The following RANBP2 variants were observed in gnomAD, a reference collection of about 807,000 sequenced individuals.
The protein encoded by RANBP2 is E3 SUMO-protein ligase RanBP2.
RANBP2 carries 57 observed loss-of-function variants against 303.6 expected under a neutral mutation model. That is an observed-to-expected ratio of 0.19 (90% CI 0.15 to 0.23). The LOEUF (loss-of-function observed/expected upper bound fraction) is 0.23. Among genes scored for constraint, RANBP2 ranks in the 10% least tolerant of loss-of-function variants. The pLI is 1.00. For missense variants in RANBP2, 3,138 were observed against 3,780.8 expected (o/e 0.83, Z 4.46); for synonymous variants, 1,167 against 1,301.5 (o/e 0.90, Z 2.23).
the RANBP2 span, chr2:108,906,391 T>C: frequency 5.0e-6 from 8 of 1,613,870 alleles, no homozygotes; most frequent in African/African-American, 9.3e-5. Flanking sequence ...GTCGAGAATT[T>C]TCATCTCCAG....
At chr2:108,957,905 C>G in the RANBP2 span, among the ~76,000 whole-genome samples, 2 of 152,156 alleles carry the variant, frequency 1.3e-5, no homozygotes, top group Admixed American at 6.5e-5. Context: ...GGAAAGCTGA[C>G]AAAAGCAACC....
chr2:109,252,463 T>G, the RANBP2 span, among the ~76,000 whole-genome samples: 1 of 152,194 alleles, frequency 6.6e-6, no homozygotes, highest in East Asian at 1.9e-4. Flanking sequence ...CCTTCAGTTT[T>G]AGCTTTATCA....
chr2:109,467,048 G>A, the RANBP2 span, among the ~76,000 whole-genome samples: 1 of 152,246 alleles, frequency 6.6e-6, no homozygotes, highest in Non-Finnish European at 1.5e-5. Flanking sequence ...TGCTCTGCTG[G>A]TGGAAATGTA....
the RANBP2 span, chr2:109,504,175 G>A: frequency 2.0e-5 from 3 of 152,210 alleles, no homozygotes; most frequent in East Asian, 1.9e-4. Flanking sequence ...TGCCTCAAAG[G>A]GTACACATGT....
chr2:109,533,111 G>A, the RANBP2 span, among the ~76,000 whole-genome samples: 1 of 152,124 alleles, frequency 6.6e-6, no homozygotes, highest in Non-Finnish European at 1.5e-5. Context: ...CTGAGAGGGA[G>A]GACAGGATAG....
chr2:109,585,645 T>C, the RANBP2 span: 9 of 980,254 alleles, frequency 9.2e-6, no homozygotes, highest in South Asian at 9.3e-5. Flanking sequence ...ATGAGCATTG[T>C]TCTGCCCATG....
the RANBP2 span, among the ~76,000 whole-genome samples, chr2:109,190,978 G>A: frequency 1.3e-4 from 19 of 151,478 alleles, no homozygotes; most frequent in Admixed American, 7.3e-4. Context: ...TAATAGTTGC[G>A]TCAGGCGAGG....
chr2:109,690,304 G>T, the RANBP2 span, among the ~76,000 whole-genome samples: 1 of 152,204 alleles, frequency 6.6e-6, no homozygotes, highest in African/African-American at 2.4e-5. Context: ...ACAACTCGAA[G>T]CAAAGGCGGG....
At chr2:109,044,040 A>G in the RANBP2 span, among the ~76,000 whole-genome samples, 1 of 152,198 alleles carries the variant, frequency 6.6e-6, no homozygotes, top group Non-Finnish European at 1.5e-5. Flanking sequence ...CTGATTAATA[A>G]AAGGCATAAT....
the RANBP2 span, among the ~76,000 whole-genome samples, chr2:109,425,285 G>A: frequency 6.6e-6 from 1 of 152,230 alleles, no homozygotes; most frequent in Non-Finnish European, 1.5e-5. Flanking sequence ...AAAAGTACAA[G>A]GTAAAGCAGC....
At chr2:108,741,545 G>A (rs1165784652) in intron 7 of RANBP2, among the ~76,000 whole-genome samples, 5 of 90,162 alleles carry the variant, frequency 5.5e-5, no homozygotes, top group South Asian at 4.0e-4. Context: ...TTGCTCTGTC[G>A]CCCAGTCTGG....
At chr2:108,984,874 T>A in the RANBP2 span, among the ~76,000 whole-genome samples, 2 of 152,214 alleles carry the variant, frequency 1.3e-5, no homozygotes, top group Non-Finnish European at 2.9e-5. Flanking sequence ...TGAATGAATG[T>A]GCACTAAAAC....
chr2:109,028,912 TTTAG>T, the RANBP2 span, among the ~76,000 whole-genome samples: 1 of 152,140 alleles, frequency 6.6e-6, no homozygotes, highest in African/African-American at 2.4e-5. Context: ...CTGTCACGAC[TTTAG>T]TTGTGATTGT....
chr2:109,143,068 G>A, the RANBP2 span, among the ~76,000 whole-genome samples: 1 of 152,162 alleles, frequency 6.6e-6, no homozygotes, highest in African/African-American at 2.4e-5. Context: ...GTGTCCCTGA[G>A]CCCGGGAACC....
At chr2:108,962,004 TC>T in the RANBP2 span, among the ~76,000 whole-genome samples, 1 of 152,200 alleles carries the variant, frequency 6.6e-6, no homozygotes, top group South Asian at 2.1e-4. Context: ...GAGCTGTTTC[TC>T]CCAACACCTC....
At chr2:108,902,772 A>T in the RANBP2 span, among the ~76,000 whole-genome samples, 14 of 152,380 alleles carry the variant, frequency 9.2e-5, no homozygotes, top group African/African-American at 3.1e-4. Flanking sequence ...TCAACAATTT[A>T]TAAAAAGCCT....
At chr2:108,749,479 G>A (rs1214353662) in intron 9 of RANBP2, among the ~76,000 whole-genome samples, 1 of 152,034 alleles carries the variant, frequency 6.6e-6, no homozygotes, top group Non-Finnish European at 1.5e-5. Flanking sequence ...TGTATTTTTA[G>A]TAGAGACGGG....
At chr2:108,856,724 T>C in the RANBP2 span, 2 of 1,444,996 alleles carry the variant, frequency 1.4e-6, no homozygotes, top group African/African-American at 2.9e-5. Flanking sequence ...ACATTGCTTT[T>C]TTACCTTCTG....
chr2:109,531,847 ACCT>A, the RANBP2 span, among the ~76,000 whole-genome samples: 2 of 152,242 alleles, frequency 1.3e-5, no homozygotes, highest in Non-Finnish European at 2.9e-5. Context: ...CATCATGGTC[ACCT>A]CAAGGGGAGG....
Sources: allele counts gnomAD v4.1 joint callset (sites outside exome capture counted in the v4.1 genomes callset), GRCh38; gene constraint gnomAD v4.1.1; transcripts MANE v1.5; gene names NCBI Gene and HGNC (gene_info 2026-07-23, HGNC 2026-07-21).